KCNK5: variants seen among roughly 807,000 people sequenced by gnomAD.
KCNK5 encodes potassium two pore domain channel subfamily K member 5.
Under a neutral mutation model 32.9 loss-of-function variants are expected in KCNK5, and 18 were observed. That is an observed-to-expected ratio of 0.55 (90% confidence interval 0.38 to 0.81). The LOEUF (loss-of-function observed/expected upper bound fraction) is 0.81, where lower values mean the gene tolerates loss of function less well. Ranked by LOEUF, KCNK5 falls within the 30% of genes least tolerant of loss-of-function variation. The pLI is 0.00. For synonymous variants in KCNK5, 276 were observed against 275.3 expected, an observed-to-expected ratio of 1.00 and a Z score of -0.03; for missense variants, 507 against 651.0, an observed-to-expected ratio of 0.78 and a Z score of 2.41.
chr6:39,217,634 C>T (rs1157814091), intron 1 of KCNK5, among the ~76,000 whole-genome samples: 2 of 152,202 alleles, frequency 1.3e-5, no homozygotes, highest in African/African-American at 4.8e-5. Flanking sequence ...AGGCTGGAGG[C>T]CAGTTAAATA....
Position 39,190,798 on chromosome 6 carries a change from C to G in KCNK5, c.*92G>C, listed in dbSNP as rs943931192. The G allele has an allele frequency of 3.8e-6, 5 of 1,306,578 alleles. No homozygotes were observed. The African/African-American group carries it at 5.9e-5, about 16-fold the overall frequency. The allele number at this position is 1,306,578 out of a possible 1,614,324, so 80.9% of individuals were successfully genotyped here. On this transcript the variant is annotated 3_prime_UTR_variant, in exon 5 of 5. Coordinates refer to ENST00000359534, the MANE Select transcript of KCNK5 (RefSeq NM_003740.4). ...CACTCCCAGTTCCGAGGCTGCCCCCCCACCAGGGGCCAGGCGTCCCGGTCA... is the reference window on the plus strand; with the variant it reads ...CACTCCCAGTTCCGAGGCTGCCCCCGCACCAGGGGCCAGGCGTCCCGGTCA...
chr6:39,191,573 A>G lies in KCNK5; in HGVS notation c.817T>C (p.Ser273Pro). The part of the protein sequence containing the change: ...RKESFESSPH[S>P]RKALQVKGST... ...CCCTTCACCTGCAGGGCCTTCCGGG[A>G]GTGTGGGGAGCTCTCAAAGGACTCC... The change falls in exon 5 of 5, where the codon TCC (serine) becomes CCC (proline). Residue 273 changes from serine (S) to proline (P), a missense_variant. Ser to Pro is a moderately conservative substitution (Grantham distance 74). Around this residue, in one of 6 missense-constraint regions of KCNK5, gnomAD observed 42 missense variants for 35.3 expected, o/e 1.19. Coordinates refer to ENST00000359534, the MANE Select transcript of KCNK5 (RefSeq NM_003740.4). This position sits in a 1 kb window ranked among gnomAD's most constrained non-coding sequence, Gnocchi z 5.8. The G allele has an allele frequency of 1.2e-6, 2 of 1,613,628 alleles. No individual in the cohort carries two copies. Among genetic ancestry groups the G allele is most frequent in the Non-Finnish European group, 1.7e-6 (2 of 1,179,952 alleles).
intron 1 of KCNK5, among the ~76,000 whole-genome samples, chr6:39,216,052 G>A (rs146128003): frequency 0.019 from 2,969 of 152,330 alleles, 57 homozygotes; most frequent in African/African-American, 0.046. Context: ...GGAGGCCAAG[G>A]CGGGCAGATC....
rs954748135 is a variant in KCNK5 at position 39,194,263 on chromosome 6, G to A, written c.540C>T (p.Phe180=). The A allele has an allele frequency of 3.3e-5, 54 of 1,613,988 alleles. No homozygotes were observed. The highest frequency in any genetic ancestry group is 4.2e-5 in the Non-Finnish European group (50 of 1,179,986). Residue 180 remains phenylalanine, a synonymous_variant, in exon 4 of 5, where the codon TTC becomes TTT. Coordinates refer to ENST00000359534, the MANE Select transcript of KCNK5 (RefSeq NM_003740.4). This position sits in a 1 kb window ranked among gnomAD's most constrained non-coding sequence, Gnocchi z 4.7. ...GVLVHLVIPP[F]VFMVTEGWNY... Reference sequence around the variant, plus strand: ...TCCACCCCTCAGTCACCATGAATACGAAGGGTGGGATCACCAGGTGGACTA... The same window carrying A: ...TCCACCCCTCAGTCACCATGAATACAAAGGGTGGGATCACCAGGTGGACTA...
At chr6:39,203,537 C>A (rs184015844) in intron 1 of KCNK5, among the ~76,000 whole-genome samples, 1 of 152,242 alleles carries the variant, frequency 6.6e-6, no homozygotes, top group African/African-American at 2.4e-5. Context: ...ACCACTTCCC[C>A]CCCATCACCC....
At position 39,189,794 on chromosome 6, in the gene KCNK5, A is replaced by C. The variant is rs1212402457; in HGVS notation, c.*1096T>G. The C allele has an allele frequency of 6.5e-6, 1 of 152,712 alleles. No homozygotes were observed. The highest frequency in any genetic ancestry group is 1.5e-5 in the Non-Finnish European group (1 of 68,080). 9.5% of individuals were successfully genotyped at this position (152,712 alleles called of 1,614,324 possible). On this transcript the variant is annotated 3_prime_UTR_variant, in exon 5 of 5. Transcript: ENST00000359534. ...CACTGTGCACACACACGTGCACATC[A>C]AACACTAGCTAGAGAAAGGAGCTTG...
intron 4 of KCNK5, among the ~76,000 whole-genome samples, chr6:39,193,274 G>A (rs1036194177): frequency 6.6e-6 from 1 of 152,236 alleles, no homozygotes; most frequent in Non-Finnish European, 1.5e-5. Context: ...GTACTGCCCA[G>A]GACAGCAGGC....
At chr6:39,203,826 G>A (rs928052133) in intron 1 of KCNK5, among the ~76,000 whole-genome samples, 1 of 152,260 alleles carries the variant, frequency 6.6e-6, no homozygotes, top group Non-Finnish European at 1.5e-5. Flanking sequence ...CCTAGTGGAA[G>A]CTGACAGGGG....
At chr6:39,195,625 T>C (rs1771017329) in intron 2 of KCNK5, among the ~76,000 whole-genome samples, 2 of 152,352 alleles carry the variant, frequency 1.3e-5, no homozygotes, top group South Asian at 4.1e-4. Flanking sequence ...GTTAATCTCT[T>C]GCATGGCTCT....
rs1256819730 is a variant in KCNK5 at position 39,190,905 on chromosome 6, G to A, written c.1485C>T (p.Ser495=). The part of the protein sequence containing the change: ...QLMNEYNKAN[S]PKGT ...CGGCCCTGCCTCATGTGCCCTTGGG[G>A]CTGTTAGCCTTGTTGTACTCATTCA... Residue 495 remains serine (S), a synonymous_variant, in exon 5 of 5, where the codon AGC becomes AGT. Coordinates refer to ENST00000359534, the MANE Select transcript of KCNK5 (RefSeq NM_003740.4). The A allele has an allele frequency of 1.4e-6, 2 of 1,473,286 alleles. No homozygotes were observed. The highest frequency in any genetic ancestry group is 4.8e-5 in the East Asian group (2 of 41,332). The allele number at this position is 1,473,286 out of a possible 1,614,324, so 91.3% of individuals were successfully genotyped here. A position where few individuals can be genotyped will look rare whatever the true frequency, so the allele number is the denominator to read the frequency against.
chr6:39,220,230 C>T (rs997556981), intron 1 of KCNK5, among the ~76,000 whole-genome samples: 13 of 152,214 alleles, frequency 8.5e-5, no homozygotes, highest in African/African-American at 2.7e-4. Flanking sequence ...CATCCCCGCT[C>T]ATAGCAGGGG....
chr6:39,197,133 A>G (rs1294463836), intron 1 of KCNK5, among the ~76,000 whole-genome samples: 3 of 152,226 alleles, frequency 2.0e-5, no homozygotes, highest in African/African-American at 7.2e-5. Context: ...CATTCAGCCA[A>G]ATTGCCTATA....
intron 2 of KCNK5, among the ~76,000 whole-genome samples, chr6:39,195,153 T>A (rs1301728497): frequency 6.6e-6 from 1 of 152,202 alleles, no homozygotes. Context: ...CACATCAAGG[T>A]GTCATCTAAT....
chr6:39,196,061 C>T (rs1771026203), intron 1 of KCNK5, 74 bp from the exon 2 acceptor site: 1 of 1,005,038 alleles, frequency 9.9e-7, no homozygotes, highest in Admixed American at 2.5e-5. Flanking sequence ...CTGCACTAAA[C>T]TCCTTGTAAG....
chr6:39,193,483 G>T (rs1270921585), intron 4 of KCNK5, among the ~76,000 whole-genome samples: 1 of 152,226 alleles, frequency 6.6e-6, no homozygotes, highest in Non-Finnish European at 1.5e-5. Context: ...GGTCAACAGG[G>T]TCAAACAGGG....
At chr6:39,211,200 A>G in intron 1 of KCNK5, among the ~76,000 whole-genome samples, 1 of 152,310 alleles carries the variant, frequency 6.6e-6, no homozygotes, top group Non-Finnish European at 1.5e-5. Flanking sequence ...GCTTCCCCGC[A>G]GAGTGGGGAG....
rs142886395 is a variant in KCNK5, at chr6:39,225,309, C to T, written c.186+3617G>A. Among the ~76,000 whole-genome samples, 132 of 152,280 alleles carry T rather than the reference C, an allele frequency of 8.7e-4. 1 individual carries two copies. Among genetic ancestry groups the T allele is most frequent in the African/African-American group, 2.0e-3 (82 of 41,560 alleles). On this transcript the variant is annotated intron_variant, in intron 1 of 4. Transcript: ENST00000359534. The stretch of plus-strand genomic sequence containing the variant: ...GAAACTTAGATGTGAAAACTGACTC[C>T]GCTCTATGTGATCCCAGACAAGTTA...
intron 1 of KCNK5, among the ~76,000 whole-genome samples, chr6:39,214,153 G>A (rs563647770): frequency 5.9e-5 from 9 of 152,338 alleles, no homozygotes; most frequent in Middle Eastern, 3.4e-3. Flanking sequence ...ACTGAGTTCT[G>A]TGAACTCTGA....
chr6:39,206,115 C>T (rs1771221363), intron 1 of KCNK5, among the ~76,000 whole-genome samples: 1 of 152,088 alleles, frequency 6.6e-6, no homozygotes, highest in African/African-American at 2.4e-5. Context: ...TGAAGCCAAA[C>T]AGAAAGATGG....
Sources: allele counts gnomAD v4.1 joint callset (sites outside exome capture counted in the v4.1 genomes callset), GRCh38; gene constraint gnomAD v4.1.1; regional missense constraint gnomAD v4.1.1; non-coding constraint Gnocchi (gnomAD v3.1); transcripts MANE v1.5; gene names NCBI Gene and HGNC (gene_info 2026-07-23, HGNC 2026-07-21).